Variants in SH3RF2 observed in about 807,000 individuals in gnomAD.
SH3RF2 encodes SH3 domain containing ring finger 2.
SH3RF2 carries 43 observed loss-of-function variants against 59.0 expected under a neutral mutation model. That is an observed-to-expected ratio of 0.73 (90% CI 0.57 to 0.94). The LOEUF is 0.94. SH3RF2 is among the 40% of genes least tolerant of loss of function. The probability of loss-of-function intolerance (pLI) is 0.00; values close to 1 mark genes in which losing one functional copy is unlikely to be tolerated. For synonymous variants in SH3RF2, 391 were observed against 391.5 expected, an observed-to-expected ratio of 1.00 and a Z score of 0.01; for missense variants, 930 against 940.1, an observed-to-expected ratio of 0.99 and a Z score of 0.14.
chr5:146,030,379 C>T (rs764964122), intron 5 of SH3RF2, among the ~76,000 whole-genome samples: 6 of 152,220 alleles, frequency 3.9e-5, no homozygotes, highest in Non-Finnish European at 8.8e-5. Flanking sequence ...TTGAACCAGA[C>T]ACACTGGAGC....
rs77803637 is a variant in SH3RF2, at chr5:145,988,266, C to T, written c.379-11792C>T. Among the ~76,000 whole-genome samples, 480 of 151,594 alleles carry T rather than the reference C, an allele frequency of 3.2e-3. 6 individuals are homozygous for T. The highest frequency in any genetic ancestry group is 0.011 in the African/African-American group (441 of 41,260). On this transcript the variant is annotated intron_variant, in intron 2 of 9. Transcript: ENST00000359120. The stretch of plus-strand genomic sequence containing the variant: ...GCCCCTCCAGAGGTCAAGCTTCTAC[C>T]GTTTGGCCCAGAGCCCCCACCATAA...
At chr5:145,957,810 A>G (rs1042857286) in intron 2 of SH3RF2, among the ~76,000 whole-genome samples, 2 of 152,130 alleles carry the variant, frequency 1.3e-5, no homozygotes, top group Non-Finnish European at 2.9e-5. Context: ...GAAACATCAC[A>G]GGCATTAAAA....
chr5:145,938,318 C>A lies in SH3RF2; in HGVS notation c.378+12C>A. ...TCCACATGGATGGGGTAAGAGAGAT[C>A]TTATTTGCTAATATCATGTCCACAT... On this transcript the variant is annotated intron_variant, in intron 2 of 9. Transcript: ENST00000359120. The A allele has an allele frequency of 1.3e-6, 2 of 1,516,026 alleles. No individual in the cohort carries two copies. Among genetic ancestry groups the A allele is most frequent in the Non-Finnish European group, 1.8e-6 (2 of 1,138,868 alleles). 93.9% of individuals were successfully genotyped at this position (1,516,026 alleles called of 1,614,324 possible).
rs534170026 is a variant in SH3RF2 at position 145,939,441 on chromosome 5, C to T, written c.378+1135C>T. The stretch of plus-strand genomic sequence containing the variant: ...GTGATACGCATTTGGAACAACTTTC[C>T]GAAATTTTCCTTCTAAGAGCTACCA... On this transcript the variant is annotated intron_variant, in intron 2 of 9. Transcript: ENST00000359120. Among the ~76,000 whole-genome samples the T allele has an allele frequency of 1.1e-4, 17 of 152,270 alleles. No homozygotes were observed. In the South Asian group the frequency reaches 2.7e-3, roughly 24 times the overall value.
At position 146,014,015 on chromosome 5, in the gene SH3RF2, C is replaced by A. The variant is rs150965707; in HGVS notation, c.1013C>A (p.Thr338Asn). The A allele has an allele frequency of 4.3e-6, 7 of 1,613,966 alleles. No homozygotes were observed. The African/African-American group carries it at 9.3e-5, about 22-fold the overall frequency. Residue 338 changes from threonine to asparagine, a missense_variant, in exon 5 of 10, where the codon ACC (threonine) becomes AAC (asparagine). Transcript: ENST00000359120. ...LISSSNPSVI[T>N]QPMEKADVPS... ...AGCTCCAGCAACCCCTCTGTGATCACCCAGCCCATGGAGAAAGCAGACGTT... is the reference window on the plus strand; with the variant it reads ...AGCTCCAGCAACCCCTCTGTGATCAACCAGCCCATGGAGAAAGCAGACGTT...
At chr5:146,014,691 G>A (rs1412882355) in intron 5 of SH3RF2, among the ~76,000 whole-genome samples, 2 of 152,166 alleles carry the variant, frequency 1.3e-5, no homozygotes, top group Admixed American at 6.5e-5. Context: ...AACCGGTGAA[G>A]CCAGCCCTGG....
chr5:146,064,401 A>G (rs1384740603), downstream of SH3RF2, among the ~76,000 whole-genome samples: 2 of 151,996 alleles, frequency 1.3e-5, no homozygotes, highest in Admixed American at 1.3e-4. Flanking sequence ...TAGAGGAGGC[A>G]TCCCAGGAAG....
intron 2 of SH3RF2, among the ~76,000 whole-genome samples, chr5:145,995,255 C>T (rs193030065): frequency 1.3e-5 from 2 of 152,304 alleles, no homozygotes; most frequent in African/African-American, 4.8e-5. Context: ...CTAAAGGTTG[C>T]TTACTCCCAC....
At chr5:146,040,958 C>T (rs756916260) in intron 5 of SH3RF2, among the ~76,000 whole-genome samples, 14 of 152,168 alleles carry the variant, frequency 9.2e-5, no homozygotes, top group Non-Finnish European at 1.2e-4. Flanking sequence ...ACTAGGGACA[C>T]GTGACAGGAA....
At chr5:145,940,464 A>G (rs1363459155) in intron 2 of SH3RF2, among the ~76,000 whole-genome samples, 1 of 152,188 alleles carries the variant, frequency 6.6e-6, no homozygotes, top group Non-Finnish European at 1.5e-5. Flanking sequence ...TGCATCCCAC[A>G]GTTAAGAGAA....
intron 2 of SH3RF2, among the ~76,000 whole-genome samples, chr5:145,972,373 T>C (rs1178467976): frequency 6.6e-6 from 1 of 152,104 alleles, no homozygotes; most frequent in Non-Finnish European, 1.5e-5. Flanking sequence ...GTTTGCCACC[T>C]CCTAAGGGAG....
In SH3RF2 at chr5:146,025,919, T is replaced by A. The variant is rs544502440; in HGVS notation, c.1059+11858T>A. On this transcript the variant is annotated intron_variant, in intron 5 of 9. Coordinates refer to ENST00000359120, the MANE Select transcript of SH3RF2 (RefSeq NM_152550.4). ...GGGATAACTCCTTCCATGCAGGGTC[T>A]TGGCAATGGTAGCAATAACTCAAGC... 5.9e-5 allele frequency among the ~76,000 whole-genome samples: 9 copies of A among 152,350 alleles called. No individual in the cohort carries two copies. In the South Asian group the frequency reaches 1.9e-3, roughly 32 times the overall value.
intron 2 of SH3RF2, among the ~76,000 whole-genome samples, chr5:145,976,064 G>T (rs1425051275): frequency 6.6e-6 from 1 of 152,212 alleles, no homozygotes; most frequent in Non-Finnish European, 1.5e-5. Flanking sequence ...TTGTAACGAG[G>T]TGGGTTTTTA....
intron 5 of SH3RF2, among the ~76,000 whole-genome samples, chr5:146,037,282 C>T (rs1439911428): frequency 6.6e-6 from 1 of 152,172 alleles, no homozygotes; most frequent in African/African-American, 2.4e-5. Context: ...CTGAGCCTCC[C>T]ACAGCCAATA....
chr5:146,023,460 C>T (rs191114009), intron 5 of SH3RF2, among the ~76,000 whole-genome samples: 203 of 152,240 alleles, frequency 1.3e-3, no homozygotes, highest in African/African-American at 4.8e-3. Context: ...CCACCCGCCT[C>T]GGCCTCCCAA....
At chr5:145,959,524 C>G (rs565897976) in intron 2 of SH3RF2, among the ~76,000 whole-genome samples, 1 of 152,028 alleles carries the variant, frequency 6.6e-6, no homozygotes, top group East Asian at 1.9e-4. Context: ...TATGAATTGA[C>G]CTCATTCTCT....
At chr5:146,047,646 G>A in intron 5 of SH3RF2, 126 bp from the exon 6 acceptor site, 1 of 790,508 alleles carries the variant, frequency 1.3e-6, no homozygotes, top group Non-Finnish European at 2.0e-6. Flanking sequence ...ACGCACAATG[G>A]GTGGCACCAG....
chr5:146,003,569 T>C (rs1419842236), intron 3 of SH3RF2, among the ~76,000 whole-genome samples: 1 of 152,250 alleles, frequency 6.6e-6, no homozygotes, highest in East Asian at 1.9e-4. Context: ...ATCTGTATTT[T>C]CAAATGTTTC....
At chr5:146,065,228 C>T (rs1161830284), downstream of SH3RF2, among the ~76,000 whole-genome samples, 1 of 152,162 alleles carries the variant, frequency 6.6e-6, no homozygotes, top group Non-Finnish European at 1.5e-5. Flanking sequence ...ATTAGGTCCA[C>T]AAAATCAACA....
Sources: allele counts gnomAD v4.1 joint callset (sites outside exome capture counted in the v4.1 genomes callset), GRCh38; gene constraint gnomAD v4.1.1; transcripts MANE v1.5; gene names NCBI Gene and HGNC (gene_info 2026-07-23, HGNC 2026-07-21).